The following ZNF470 variants were observed in gnomAD, a reference collection of about 807,000 sequenced individuals.
ZNF470 encodes the protein chondrogenesis zinc finger protein 1.
ZNF470 carries 13 observed loss-of-function variants against 13.9 expected under a neutral mutation model. That is an observed-to-expected ratio of 0.94 (90% CI 0.61 to 1.49). The LOEUF (loss-of-function observed/expected upper bound fraction) is 1.49. Among genes scored for constraint, ZNF470 ranks in the 40% most tolerant of loss-of-function variants. ZNF470 has a pLI of 0.00. For synonymous variants in ZNF470, 293 were observed against 282.9 expected (o/e 1.04, Z -0.36); for missense variants, 929 against 857.3 (o/e 1.08, Z -1.04).
Position 56,580,192 on chromosome 19 carries a change from T to G in ZNF470, c.*1609T>G, listed in dbSNP as rs2044525012. 1 of 496,394 alleles carries G rather than the reference T, an allele frequency of 2.0e-6. No individual in the cohort carries two copies. Among genetic ancestry groups the G allele is most frequent in the Non-Finnish European group, 2.3e-6 (1 of 434,750 alleles). The allele number at this position is 496,394 out of a possible 1,614,324, so 30.7% of individuals were successfully genotyped here. A position where few individuals can be genotyped will look rare whatever the true frequency, so the allele number is the denominator to read the frequency against. ...GGATGAGGGAAGAACTAGAGGTAACTGTGAGACACAAAAGGCATAATGAAA... is the reference window on the plus strand; with the variant it reads ...GGATGAGGGAAGAACTAGAGGTAACGGTGAGACACAAAAGGCATAATGAAA... On this transcript the variant is annotated 3_prime_UTR_variant, in exon 6 of 6. Transcript: ENST00000330619.
chr19:56,576,689 A>G, intron 5 of ZNF470, 24 bp from the exon 6 acceptor site: 2 of 1,376,244 alleles, frequency 1.5e-6, no homozygotes, highest in Non-Finnish European at 9.5e-7. Flanking sequence ...TAAAGGAGAC[A>G]TTTACTTTCT....
In ZNF470 at chr19:56,578,020, C is replaced by G. The variant is rs778441761; in HGVS notation, c.1591C>G (p.His531Asp). 14 of 1,613,316 alleles carry G rather than the reference C, an allele frequency of 8.7e-6. No homozygotes were observed. In the South Asian group the frequency reaches 1.5e-4, roughly 18 times the overall value. ...NAHLAQHQKI[H>D]TGEKPYECKE... Reference sequence around the variant, plus strand: ...ACACCTCGCGCAACATCAGAAAATACACACTGGGGAGAAACCTTATGAATG... The same window carrying G: ...ACACCTCGCGCAACATCAGAAAATAGACACTGGGGAGAAACCTTATGAATG... The change falls in exon 6 of 6, where the codon CAC (histidine) becomes GAC (aspartate). Residue 531 changes from histidine to aspartate, a missense_variant. By Grantham distance (81) the His-to-Asp change is moderately conservative (BLOSUM62 -1). Coordinates refer to ENST00000330619, the MANE Select transcript of ZNF470 (RefSeq NM_001001668.4).
In ZNF470 at chr19:56,577,626, T is replaced by C. The variant is rs765716853; in HGVS notation, c.1197T>C (p.Cys399=). ...YYHTGEKPFD[C]IDCGKAFTDH... ...ATACTGGAGAGAAACCCTTTGACTG[T>C]ATTGATTGTGGGAAGGCTTTCACTG... is the stretch of plus-strand genomic sequence containing the variant. The change falls in exon 6 of 6, where the codon TGT becomes TGC. Residue 399 remains cysteine (C), a synonymous_variant. Coordinates refer to ENST00000330619, the MANE Select transcript of ZNF470 (RefSeq NM_001001668.4). 3 of 1,614,068 alleles carry C rather than the reference T, an allele frequency of 1.9e-6. No individual in the cohort carries two copies. Among genetic ancestry groups the C allele is most frequent in the East Asian group, 4.5e-5 (2 of 44,878 alleles).
rs2044531240 is a variant in ZNF470 at position 56,580,987 on chromosome 19, T to C, written c.*2404T>C. On this transcript the variant is annotated 3_prime_UTR_variant, in exon 6 of 6. Transcript: ENST00000330619. ...TTAAAGTACATGAAAAACAGAATAA[T>C]ATATATGTACCCTCGGTTTGAAATA... 1.0e-6 allele frequency: 1 copy of C among 984,672 alleles called. No homozygotes were observed. The highest frequency in any genetic ancestry group is 1.2e-6 in the Non-Finnish European group (1 of 829,406). The allele number at this position is 984,672 out of a possible 1,614,324, so 61.0% of individuals were successfully genotyped here.
At chr19:56,572,788 C>T (rs1161998026) in intron 3 of ZNF470, among the ~76,000 whole-genome samples, 1 of 152,026 alleles carries the variant, frequency 6.6e-6, no homozygotes, top group Non-Finnish European at 1.5e-5. Flanking sequence ...ATACTATGTC[C>T]AGGGAAAGTA....
At position 56,579,135 on chromosome 19, in the gene ZNF470, C is replaced by G. The variant is rs1442965369; in HGVS notation, c.*552C>G. On this transcript the variant is annotated 3_prime_UTR_variant, in exon 6 of 6. Coordinates refer to ENST00000330619, the MANE Select transcript of ZNF470 (RefSeq NM_001001668.4). ...GAGAATCAGCCAATTAGAACAAAAG[C>G]TTTTAGCTGGGTGCGGTGGCTCATG... The G allele has an allele frequency of 3.0e-6, 3 of 985,350 alleles. No homozygotes were observed. Among genetic ancestry groups the G allele is most frequent in the Non-Finnish European group, 3.6e-6 (3 of 829,974 alleles). The allele number at this position is 985,350 out of a possible 1,614,324, so 61.0% of individuals were successfully genotyped here.
chr19:56,575,265 C>T (rs1157848187), intron 5 of ZNF470, among the ~76,000 whole-genome samples: 2 of 151,762 alleles, frequency 1.3e-5, no homozygotes, highest in Non-Finnish European at 2.9e-5. Flanking sequence ...CAAGTTGTTA[C>T]CTTTATGTAT....
Position 56,578,444 on chromosome 19 carries a change from C to G in ZNF470, c.2015C>G (p.Thr672Ser), listed in dbSNP as rs769794081. Residue 672 changes from threonine (T) to serine (S), a missense_variant, in exon 6 of 6, where the codon ACT (threonine) becomes AGT (serine). Thr to Ser is a moderately conservative substitution (Grantham distance 58). Transcript: ENST00000330619. ...AHLTLHKRIH[T>S]GERPYECKEC... ...CTTACTCTACATAAGAGAATTCATA[C>G]TGGAGAAAGGCCCTATGAGTGTAAA... 6 of 1,612,680 alleles carry G rather than the reference C, an allele frequency of 3.7e-6. No individual in the cohort carries two copies. Among genetic ancestry groups the G allele is most frequent in the Non-Finnish European group, 4.2e-6 (5 of 1,179,340 alleles).
chr19:56,569,247 G>A (rs1164649322), intron 2 of ZNF470, among the ~76,000 whole-genome samples: 5 of 152,130 alleles, frequency 3.3e-5, no homozygotes, highest in African/African-American at 9.7e-5. Context: ...TGGCTCAGTG[G>A]AGTCAAGGGA....
chr19:56,582,005 T>C lies in ZNF470; in HGVS notation c.*3422T>C, dbSNP rs1020849546. 7 of 985,298 alleles carry C rather than the reference T, an allele frequency of 7.1e-6. No individual in the cohort carries two copies. The highest frequency in any genetic ancestry group is 8.4e-6 in the Non-Finnish European group (7 of 829,938). The allele number at this position is 985,298 out of a possible 1,614,324, so 61.0% of individuals were successfully genotyped here. ...TTGATTTTTGCCTCCTGTTGGTCAG[T>C]TGCTTGCAAGTAAAGAAACAATCAT... On this transcript the variant is annotated 3_prime_UTR_variant, in exon 6 of 6. Transcript: ENST00000330619.
intron 5 of ZNF470, among the ~76,000 whole-genome samples, 195 bp downstream of exon 5, chr19:56,574,928 G>T (rs956906333): frequency 6.6e-6 from 1 of 151,908 alleles, no homozygotes; most frequent in Non-Finnish European, 1.5e-5. Flanking sequence ...TGCATACCAG[G>T]GTCTATTTCT....
chr19:56,581,921 C>G lies in ZNF470; in HGVS notation c.*3338C>G. 1 of 985,412 alleles carries G rather than the reference C, an allele frequency of 1.0e-6. No homozygotes were observed. The highest frequency in any genetic ancestry group is 4.7e-5 in the South Asian group (1 of 21,288). 61.0% of individuals were successfully genotyped at this position (985,412 alleles called of 1,614,324 possible). On this transcript the variant is annotated 3_prime_UTR_variant, in exon 6 of 6. Transcript: ENST00000330619. ...CTTTTGATTGGTCCTTGGAACCACC[C>G]TGGTTTTTGTACTTTCCAAGTCTGT...
intron 2 of ZNF470, among the ~76,000 whole-genome samples, chr19:56,569,205 C>A (rs2044433082): frequency 2.0e-5 from 3 of 152,156 alleles, no homozygotes; most frequent in Admixed American, 2.0e-4. Context: ...AATTCAGATA[C>A]TTTATCCTCT....
At chr19:56,574,294 G>A (rs1405798540) in intron 3 of ZNF470, 100 bp from the exon 4 acceptor site, 4 of 1,556,344 alleles carry the variant, frequency 2.6e-6, no homozygotes, top group South Asian at 2.2e-5. Flanking sequence ...CTTATACATA[G>A]TGTTTTTAAT....
chr19:56,578,516 A>C lies in ZNF470; in HGVS notation c.2087A>C (p.Gln696Pro). The change falls in exon 6 of 6, where the codon CAG becomes CCG. Residue 696 changes from glutamine (Q) to proline (P), a missense_variant. Physicochemically the swap from Gln to Pro is moderately conservative, Grantham distance 76. Coordinates refer to ENST00000330619, the MANE Select transcript of ZNF470 (RefSeq NM_001001668.4). ...CAGAGTGTACATCTTGCTCATCATC[A>C]GCGAATTCATACCGGAGAGTCATCA... ...FRQSVHLAHH[Q>P]RIHTGESSVI... The C allele has an allele frequency of 6.2e-7, 1 of 1,602,298 alleles. No individual in the cohort carries two copies. The highest frequency in any genetic ancestry group is 8.5e-7 in the Non-Finnish European group (1 of 1,174,198).
chr19:56,577,380 T>A lies in ZNF470; in HGVS notation c.951T>A (p.Cys317Ter). 6.2e-7 allele frequency: 1 copy of A among 1,613,802 alleles called. No homozygotes were observed. Among genetic ancestry groups the A allele is most frequent in the Non-Finnish European group, 8.5e-7 (1 of 1,179,862 alleles). ...TGEKPYQCKQCNKAFSQLAHL... is the reference protein window; with the variant it reads ...TGEKPYQCKQ ...AGAAACCTTATCAGTGTAAGCAGTGTAATAAAGCATTCAGCCAGCTTGCAC... is the reference window on the plus strand; with the variant it reads ...AGAAACCTTATCAGTGTAAGCAGTGAAATAAAGCATTCAGCCAGCTTGCAC... The change falls in exon 6 of 6, where the codon TGT becomes TGA. Residue 317 changes from cysteine (C) to a stop codon, truncating the protein, a stop_gained. Coordinates refer to ENST00000330619, the MANE Select transcript of ZNF470 (RefSeq NM_001001668.4). LOFTEE classifies it low-confidence loss of function (END_TRUNC).
At chr19:56,570,090 C>A (rs1036882293) in intron 2 of ZNF470, 190 bp from the exon 3 acceptor site, 2 of 516,310 alleles carry the variant, frequency 3.9e-6, no homozygotes, top group Non-Finnish European at 7.0e-6. Flanking sequence ...TTATGCTCAT[C>A]CTGAAAACCC....
In ZNF470 at chr19:56,582,392, C is replaced by T. The variant is rs1416843651; in HGVS notation, c.*3809C>T. ...TATGATATTGTTGAAAGATGTCTTACATTGTTTAAAGTCATAGGGTTAAGA... is the reference window on the plus strand; with the variant it reads ...TATGATATTGTTGAAAGATGTCTTATATTGTTTAAAGTCATAGGGTTAAGA... On this transcript the variant is annotated 3_prime_UTR_variant, in exon 6 of 6. Transcript: ENST00000330619. 2.0e-6 allele frequency: 2 copies of T among 985,314 alleles called. No individual in the cohort carries two copies. Among genetic ancestry groups the T allele is most frequent in the East Asian group, 1.1e-4 (1 of 8,814 alleles). The allele number at this position is 985,314 out of a possible 1,614,324, so 61.0% of individuals were successfully genotyped here. A position where few individuals can be genotyped will look rare whatever the true frequency, so the allele number is the denominator to read the frequency against.
Position 56,578,580 on chromosome 19 carries a change from A to G in ZNF470, c.2151A>G (p.Leu717=), listed in dbSNP as rs2044511711. The G allele has an allele frequency of 6.6e-7, 1 of 1,518,076 alleles. No individual in the cohort carries two copies. Among genetic ancestry groups the G allele is most frequent in the Non-Finnish European group, 8.8e-7 (1 of 1,133,440 alleles). The allele number at this position is 1,518,076 out of a possible 1,614,324, so 94.0% of individuals were successfully genotyped here. A position where few individuals can be genotyped will look rare whatever the true frequency, so the allele number is the denominator to read the frequency against. The change falls in exon 6 of 6, where the codon CTA becomes CTG. Residue 717 remains leucine, a synonymous_variant. Transcript: ENST00000330619. ...CTGCCCTCCCATACCACCAAGTCCTATAGATTCAATCTCGTAAATGCTTCT... is the reference window on the plus strand; with the variant it reads ...CTGCCCTCCCATACCACCAAGTCCTGTAGATTCAATCTCGTAAATGCTTCT... ...LSSALPYHQV[L] is the part of the protein sequence containing the mutation.
Sources: allele counts gnomAD v4.1 joint callset (sites outside exome capture counted in the v4.1 genomes callset), GRCh38; gene constraint gnomAD v4.1.1; transcripts MANE v1.5; gene names NCBI Gene and HGNC (gene_info 2026-07-23, HGNC 2026-07-21).